The following SLC35E4 variants were observed in gnomAD, a reference collection of about 807,000 sequenced individuals.
SLC35E4 encodes solute carrier family 35, member E4.
Under a neutral mutation model 19.3 loss-of-function variants are expected in SLC35E4, and 15 were observed. The observed-to-expected ratio is 0.78, with a 90% confidence interval of 0.52 to 1.20. The LOEUF is 1.20. SLC35E4 is among the 50% of genes most tolerant of loss of function. The pLI is 0.00. For missense variants in SLC35E4, 406 were observed against 472.3 expected (o/e 0.86, Z 1.30); for synonymous variants, 219 against 219.9 (o/e 1.00, Z 0.04).
chr22:30,668,980 G>C (rs527501309), exon 3 of SLC35E4: 4 of 152,198 alleles, frequency 2.6e-5, no homozygotes, highest in African/African-American at 2.4e-5. Flanking sequence ...GTCTTTAAAT[G>C]TTTTAAGGAT....
chr22:30,663,989 C>A, downstream of SLC35E4: 2 of 1,613,032 alleles, frequency 1.2e-6, no homozygotes, highest in Non-Finnish European at 1.7e-6. Context: ...GGAAGGCACA[C>A]GAGGGTGCTG....
downstream of SLC35E4, chr22:30,663,540 T>A: frequency 6.2e-7 from 1 of 1,614,174 alleles, no homozygotes; most frequent in Non-Finnish European, 8.5e-7. Context: ...CAATTGGAAC[T>A]CATAGTGGAT....
Position 30,646,672 on chromosome 22 carries a change from C to A in SLC35E4, c.694C>A (p.Leu232Met). 6.2e-7 allele frequency: 1 copy of A among 1,611,028 alleles called. No individual in the cohort carries two copies. Among genetic ancestry groups the A allele is most frequent in the South Asian group, 1.1e-5 (1 of 91,026 alleles). ...YATSLPSFCL[L>M]AGAALVLEAG... is the part of the protein sequence containing the mutation. ...CACCTCGCTGCCCAGCTTCTGCCTGCTGGCGGGTGCAGCCCTGGTGCTGGA... is the reference window on the plus strand; with the variant it reads ...CACCTCGCTGCCCAGCTTCTGCCTGATGGCGGGTGCAGCCCTGGTGCTGGA... The change falls in exon 2 of 2, where the codon CTG becomes ATG. Residue 232 changes from leucine to methionine, a missense_variant. Coordinates refer to ENST00000343605, the MANE Select transcript of SLC35E4 (RefSeq NM_001001479.4).
downstream of SLC35E4, chr22:30,665,400 C>T: frequency 5.2e-6 from 2 of 381,804 alleles, no homozygotes; most frequent in Non-Finnish European, 1.1e-5. Context: ...GTGAACCGAG[C>T]CACTTACAGT....
In SLC35E4 at chr22:30,659,561, G is replaced by A. The variant is rs535247873; in HGVS notation, c.*9-2499G>A. On this transcript the variant is annotated intron_variant, in intron 2 of 2. Transcript: ENST00000406566. ...GCTAATTTTTTGTATTTTTAGAGAC[G>A]GGGTTTCAACATGTTGGCCAGGGTG... 4.6e-5 allele frequency among the ~76,000 whole-genome samples: 7 copies of A among 152,138 alleles called. No individual in the cohort carries two copies. In the East Asian group the frequency reaches 1.4e-3, roughly 29 times the overall value.
chr22:30,667,501 T>C (rs1014031937), downstream of SLC35E4: 10 of 152,304 alleles, frequency 6.6e-5, no homozygotes, highest in Admixed American at 4.6e-4. Flanking sequence ...GCTCAGGAAG[T>C]AGCCGCTTGG....
chr22:30,660,386 C>A (rs2088433165), intron 2 of SLC35E4, among the ~76,000 whole-genome samples: 1 of 152,166 alleles, frequency 6.6e-6, no homozygotes, highest in African/African-American at 2.4e-5. Context: ...TCACTGCAGC[C>A]TTGACCTCCC....
At position 30,636,945 on chromosome 22, in the gene SLC35E4, C is replaced by G; in HGVS notation, c.495C>G (p.Ala165=). The part of the protein sequence containing the change: ...LGRRHHPLQL[A]AMGPLCLGAA... ...GCCGCCACCACCCACTTCAGTTGGC[C>G]GCCATGGGTCCGCTCTGCCTGGGGG... Residue 165 remains alanine (A), a synonymous_variant, in exon 1 of 2, where the codon GCC becomes GCG. Coordinates refer to ENST00000343605, the MANE Select transcript of SLC35E4 (RefSeq NM_001001479.4). 1 of 1,612,192 alleles carries G rather than the reference C, an allele frequency of 6.2e-7. No individual in the cohort carries two copies. Among genetic ancestry groups the G allele is most frequent in the Non-Finnish European group, 8.5e-7 (1 of 1,179,340 alleles).
At position 30,636,892 on chromosome 22, in the gene SLC35E4, C is replaced by T; in HGVS notation, c.442C>T (p.Leu148=). The T allele has an allele frequency of 1.2e-6, 2 of 1,612,474 alleles. No individual in the cohort carries two copies. Among genetic ancestry groups the T allele is most frequent in the Non-Finnish European group, 1.7e-6 (2 of 1,179,426 alleles). ...TACTACCACCACACCTCTGTTCACCCTGGCCCTGTCGGCGCTGCTGCTGGG... is the reference window on the plus strand; with the variant it reads ...TACTACCACCACACCTCTGTTCACCTTGGCCCTGTCGGCGCTGCTGCTGGG... The part of the protein sequence containing the change: ...LVTTTTPLFT[L]ALSALLLGRR... The change falls in exon 1 of 2, where the codon CTG becomes TTG. Residue 148 remains leucine (L), a synonymous_variant. Coordinates refer to ENST00000343605, the MANE Select transcript of SLC35E4 (RefSeq NM_001001479.4).
At chr22:30,663,337 T>C, downstream of SLC35E4, 1 of 1,246,874 alleles carries the variant, frequency 8.0e-7, no homozygotes, top group Non-Finnish European at 1.1e-6. Flanking sequence ...ATCTGTTTTT[T>C]TCTGTATCAA....
rs942698475 is a variant in SLC35E4 at position 30,644,579 on chromosome 22, T to C, written c.620-2019T>C. ...GAACCAGATGACGAAACCCCATCTC[T>C]ACAAAAAATACAAAAATTTTCAGGG... On this transcript the variant is annotated intron_variant, in intron 1 of 1. Transcript: ENST00000343605. 2.6e-5 allele frequency among the ~76,000 whole-genome samples: 4 copies of C among 152,250 alleles called. No individual in the cohort carries two copies. In the South Asian group the frequency reaches 6.2e-4, roughly 24 times the overall value.
At chr22:30,663,197 TC>T in exon 3 of SLC35E4, 1 of 496,640 alleles carries the variant, frequency 2.0e-6, no homozygotes, top group South Asian at 2.5e-5. Flanking sequence ...CCTCAACCTA[TC>T]CCCTGGCCAG....
At chr22:30,644,259 AT>A (rs1392921173) in intron 1 of SLC35E4, among the ~76,000 whole-genome samples, 1 of 152,238 alleles carries the variant, frequency 6.6e-6, no homozygotes, top group Admixed American at 6.5e-5. Context: ...TCGGAATGAA[AT>A]TGAGAGAGAA....
intron 1 of SLC35E4, among the ~76,000 whole-genome samples, chr22:30,645,892 C>T: frequency 6.7e-6 from 1 of 149,316 alleles, no homozygotes; most frequent in Non-Finnish European, 1.5e-5. Flanking sequence ...GCAATTTTGG[C>T]TCACTGCAAC....
Position 30,636,736 on chromosome 22 carries a change from C to CG in SLC35E4, c.292dup (p.Ala98GlyfsTer172). On this transcript the variant is annotated frameshift_variant, in exon 1 of 2. Transcript: ENST00000343605. LOFTEE classifies it high-confidence loss of function. ...GCTGGTGGCAGCCCTGGCATGCCAC[C>CG]GGGGGGCACGGCGCCCCATGCCAGG... is the stretch of plus-strand genomic sequence containing the variant. The CG allele has an allele frequency of 1.2e-6, 2 of 1,611,820 alleles. No individual in the cohort carries two copies. The highest frequency in any genetic ancestry group is 1.7e-6 in the Non-Finnish European group (2 of 1,179,238).
At chr22:30,663,178 C>T (rs1602104329) in exon 3 of SLC35E4, 1 of 439,326 alleles carries the variant, frequency 2.3e-6, no homozygotes, top group Non-Finnish European at 4.1e-6. Context: ...TTCTTCTGGG[C>T]ACCATCTGCC....
intron 1 of SLC35E4, 98 bp from the exon 2 acceptor site, chr22:30,646,500 C>T (rs534472688): frequency 2.6e-5 from 37 of 1,401,414 alleles, no homozygotes; most frequent in Non-Finnish European, 3.2e-5. Context: ...CCGAGGGGTC[C>T]GGGTAGGCTT....
At chr22:30,666,660 G>C (rs952419125), downstream of SLC35E4, 1 of 138,740 alleles carries the variant, frequency 7.2e-6, no homozygotes, top group Non-Finnish European at 1.5e-5. Flanking sequence ...ATCTCTATCA[G>C]GCACTGTATT....
Position 30,636,311 on chromosome 22 carries a change from G to A in SLC35E4, c.-140G>A. ...CATCGCTGGCACAGGCCTGGCACAAGTAAGCAGTGTCCTCACCTGTCTGAA... is the reference window on the plus strand; with the variant it reads ...CATCGCTGGCACAGGCCTGGCACAAATAAGCAGTGTCCTCACCTGTCTGAA... On this transcript the variant is annotated 5_prime_UTR_variant, in exon 1 of 2. Coordinates refer to ENST00000343605, the MANE Select transcript of SLC35E4 (RefSeq NM_001001479.4). The A allele has an allele frequency of 1.7e-6, 2 of 1,206,884 alleles. No individual in the cohort carries two copies. Among genetic ancestry groups the A allele is most frequent in the Non-Finnish European group, 2.2e-6 (2 of 895,810 alleles). The allele number at this position is 1,206,884 out of a possible 1,614,324, so 74.8% of individuals were successfully genotyped here.
Sources: gnomAD v4.1 joint callset for allele counts (sites outside exome capture counted in the v4.1 genomes callset) on GRCh38, gnomAD v4.1.1 for gene constraint, MANE v1.5 for transcripts, NCBI Gene and HGNC (gene_info 2026-07-23, HGNC 2026-07-21) for gene names.